Variants in ITGA2 observed in about 807,000 individuals in gnomAD.
The protein encoded by ITGA2 is integrin alpha-2.
ITGA2 carries 101 observed loss-of-function variants against 146.3 expected under a neutral mutation model. The ratio of observed to expected loss-of-function variants is 0.69; its 90% CI spans 0.59 to 0.81. The LOEUF (loss-of-function observed/expected upper bound fraction) is 0.81, where lower values mean the gene tolerates loss of function less well. Among genes scored for constraint, ITGA2 ranks in the 40% least tolerant of loss-of-function variants. The pLI is 0.00. For missense variants in ITGA2, 1,281 were observed against 1,402.7 expected, an observed-to-expected ratio of 0.91 and a Z score of 1.39; for synonymous variants, 477 against 487.1, an observed-to-expected ratio of 0.98 and a Z score of 0.27.
chr5:53,065,792 T>C, intron 14 of ITGA2, 49 bp from the exon 15 acceptor site: 3 of 1,610,636 alleles, frequency 1.9e-6, no homozygotes, highest in Non-Finnish European at 2.5e-6. Context: ...TGCCATTTTC[T>C]GGTTCAGCTG....
At position 53,055,690 on chromosome 5, in the gene ITGA2, T is replaced by G; in HGVS notation, c.930+2T>G. The G allele has an allele frequency of 6.2e-7, 1 of 1,612,988 alleles. No homozygotes were observed. Among genetic ancestry groups the G allele is most frequent in the Non-Finnish European group, 8.5e-7 (1 of 1,179,286 alleles). ...AATATACTGAGGTTTGGCATAGCAG[T>G]AAGTGGCTTTTCTTTTCACTTGTCT... is the stretch of plus-strand genomic sequence containing the variant. On this transcript the variant is annotated splice_donor_variant, in intron 8 of 29. Transcript: ENST00000296585. LOFTEE classifies it high-confidence loss of function.
chr5:53,004,349 G>T (rs1164672088), intron 1 of ITGA2, among the ~76,000 whole-genome samples: 1 of 152,108 alleles, frequency 6.6e-6, no homozygotes, highest in Non-Finnish European at 1.5e-5. Context: ...ACCTTGTTGG[G>T]TCATTGGGAA....
chr5:53,008,161 TA>T (rs1299889764), intron 1 of ITGA2, among the ~76,000 whole-genome samples: 4 of 151,760 alleles, frequency 2.6e-5, no homozygotes, highest in African/African-American at 9.7e-5. Flanking sequence ...TTCTGGAGGT[TA>T]AAAGTTCAAG....
intron 2 of ITGA2, among the ~76,000 whole-genome samples, chr5:53,031,431 C>G (rs1743219273): frequency 6.6e-6 from 1 of 152,174 alleles, no homozygotes; most frequent in African/African-American, 2.4e-5. Flanking sequence ...TGACTTCACT[C>G]CTTTCCCTCA....
intron 1 of ITGA2, among the ~76,000 whole-genome samples, chr5:53,005,106 G>T (rs1215024301): frequency 6.6e-6 from 1 of 151,820 alleles, no homozygotes; most frequent in Non-Finnish European, 1.5e-5. Context: ...ACACTTTAGA[G>T]TTTGAAGTCT....
intron 19 of ITGA2, 55 bp from the exon 20 acceptor site, chr5:53,073,063 T>C: frequency 6.4e-7 from 1 of 1,562,816 alleles, no homozygotes; most frequent in Non-Finnish European, 8.8e-7. Context: ...TTTAAAATAC[T>C]GGCCTTTTTA....
intron 1 of ITGA2, among the ~76,000 whole-genome samples, chr5:52,994,750 G>T (rs1028246408): frequency 1.3e-5 from 2 of 152,016 alleles, no homozygotes; most frequent in South Asian, 4.2e-4. Context: ...TTAAAACTTG[G>T]TTATATCATT....
At chr5:53,072,717 G>A (rs767067805) in intron 19 of ITGA2, 22 bp downstream of exon 19, 3 of 1,549,346 alleles carry the variant, frequency 1.9e-6, no homozygotes, top group African/African-American at 1.4e-5. Flanking sequence ...TTTAAAGCTT[G>A]TTGTAAAATG....
At chr5:53,045,886 C>T (rs890008973) in intron 4 of ITGA2, among the ~76,000 whole-genome samples, 6 of 148,778 alleles carry the variant, frequency 4.0e-5, no homozygotes, top group African/African-American at 1.5e-4. Context: ...GTATGTATAA[C>T]CCTGTTAAAA....
At chr5:52,997,878 G>T (rs1013392350) in intron 1 of ITGA2, among the ~76,000 whole-genome samples, 1 of 152,086 alleles carries the variant, frequency 6.6e-6, no homozygotes, top group Non-Finnish European at 1.5e-5. Flanking sequence ...TTGACTTAGT[G>T]TTCTATGGTG....
At chr5:53,026,722 G>T (rs1742968461) in intron 1 of ITGA2, 26 bp from the exon 2 acceptor site, 1 of 1,588,734 alleles carries the variant, frequency 6.3e-7, no homozygotes, top group South Asian at 1.1e-5. Context: ...TTGTAAATAT[G>T]TGCTATTTCA....
rs751531316 is a variant in ITGA2 at position 53,090,588 on chromosome 5, C to T, written c.3535C>T (p.Leu1179Phe). 1 of 1,613,842 alleles carries T rather than the reference C, an allele frequency of 6.2e-7. No homozygotes were observed. The highest frequency in any genetic ancestry group is 8.5e-7 in the Non-Finnish European group (1 of 1,179,774). The change falls in exon 30 of 30, where the codon CTC (leucine) becomes TTC (phenylalanine). Residue 1179 changes from leucine (L) to phenylalanine (F), a missense_variant. Transcript: ENST00000296585. The stretch of plus-strand genomic sequence containing the variant: ...AGATGAGATTGATGAGACCACAGAG[C>T]TCAGTAGCTGAACCAGCAGACCTAC... ...NPDEIDETTE[L>F]SS
At chr5:53,008,639 A>G (rs946784935) in intron 1 of ITGA2, among the ~76,000 whole-genome samples, 1 of 53,616 alleles carries the variant, frequency 1.9e-5, no homozygotes, top group Non-Finnish European at 6.0e-5. Flanking sequence ...GATGTCAGCT[A>G]GAGTCTCTCT....
chr5:53,084,791 CACTG>C (rs139989927), intron 27 of ITGA2, among the ~76,000 whole-genome samples: 12,934 of 152,190 alleles, frequency 0.085, 586 homozygotes, highest in Middle Eastern at 0.16. Context: ...CTGGAAGGAA[CACTG>C]ACTGTTGCAC....
intron 2 of ITGA2, among the ~76,000 whole-genome samples, chr5:53,031,429 C>T (rs1227782352): frequency 1.3e-5 from 2 of 152,206 alleles, no homozygotes; most frequent in African/African-American, 2.4e-5. Flanking sequence ...CCTGACTTCA[C>T]TCCTTTCCCT....
chr5:53,001,813 T>TAAAAAAA (rs34186143), intron 1 of ITGA2, among the ~76,000 whole-genome samples: 9 of 110,318 alleles, frequency 8.2e-5, no homozygotes, highest in African/African-American at 3.1e-4. Context: ...AGGCCCTTTC[T>TAAAAAAA]AAAAAAAAAA....
intron 13 of ITGA2, 83 bp downstream of exon 13, chr5:53,063,012 T>C: frequency 9.0e-7 from 1 of 1,106,510 alleles, no homozygotes; most frequent in Non-Finnish European, 1.3e-6. Context: ...AAATTTATTA[T>C]TATTGAATGA....
intron 4 of ITGA2, 103 bp from the exon 5 acceptor site, chr5:53,048,260 A>G (rs929437142): frequency 2.2e-5 from 19 of 870,380 alleles, no homozygotes; most frequent in Admixed American, 1.7e-4. Context: ...AATTATTAGT[A>G]TCTTAGAAAA....
intron 8 of ITGA2, 51 bp downstream of exon 8, chr5:53,055,739 T>A (rs1190726006): frequency 1.3e-6 from 2 of 1,597,132 alleles, no homozygotes; most frequent in African/African-American, 2.7e-5. Flanking sequence ...TAAATCTTTC[T>A]TTATAGCATC....
Sources: gnomAD v4.1 joint callset for allele counts (sites outside exome capture counted in the v4.1 genomes callset) on GRCh38, gnomAD v4.1.1 for gene constraint, MANE v1.5 for transcripts, NCBI Gene and HGNC (gene_info 2026-07-23, HGNC 2026-07-21) for gene names.